Variants in AGAP2 observed in about 807,000 individuals in gnomAD.
The protein encoded by AGAP2 is arf-GAP with GTPase, ANK repeat and PH domain-containing protein 2.
AGAP2 carries 32 observed loss-of-function variants against 110.9 expected under a neutral mutation model. The ratio of observed to expected loss-of-function variants is 0.29; its 90% CI spans 0.22 to 0.39. AGAP2 has a LOEUF of 0.39. Ranked by LOEUF, AGAP2 falls within the 10% of genes least tolerant of loss-of-function variation. The pLI is 1.00. For missense variants in AGAP2, 1,285 were observed against 1,638.5 expected, an observed-to-expected ratio of 0.78 and a Z score of 3.72; for synonymous variants, 702 against 713.0, an observed-to-expected ratio of 0.98 and a Z score of 0.25.
intron 12 of AGAP2, 31 bp from the exon 13 acceptor site, chr12:57,729,798 G>T: frequency 4.4e-6 from 7 of 1,574,976 alleles, no homozygotes; most frequent in Non-Finnish European, 6.0e-6. Context: ...TGCCTCAGTA[G>T]CCCCCTCCAC....
chr12:57,734,476 C>A lies in AGAP2; in HGVS notation c.1316-72G>T, dbSNP rs1233907867. On this transcript the variant is annotated intron_variant, in intron 3 of 18. Coordinates refer to ENST00000547588, the MANE Select transcript of AGAP2 (RefSeq NM_001122772.3). ...ACCAAACCTCCCCATGCTCCCAGTG[C>A]TTTTGCTATTATGGCCTCATCCTTC... 4 of 1,592,368 alleles carry A rather than the reference C, an allele frequency of 2.5e-6. No individual in the cohort carries two copies. The Admixed American group carries it at 6.7e-5, about 27-fold the overall frequency.
intron 10 of AGAP2, 146 bp from the exon 11 acceptor site, chr12:57,731,099 A>G: frequency 1.1e-6 from 1 of 945,510 alleles, no homozygotes; most frequent in Non-Finnish European, 1.5e-6. Context: ...GGATGGGCCC[A>G]TCAGACTTGG....
In AGAP2 at chr12:57,731,681, G is replaced by A. The variant is rs756257059; in HGVS notation, c.1954-39C>T. On this transcript the variant is annotated intron_variant, in intron 8 of 18. Transcript: ENST00000547588. Reference sequence around the variant, plus strand: ...TGGAATCAGTTTGAGGATGGATAGAGGGATACACTGATGTGACGATAGGGA... The same window carrying A: ...TGGAATCAGTTTGAGGATGGATAGAAGGATACACTGATGTGACGATAGGGA... The A allele has an allele frequency of 9.3e-6, 15 of 1,612,556 alleles. No homozygotes were observed. The East Asian group carries it at 3.3e-4, about 36-fold the overall frequency.
At position 57,733,424 on chromosome 12, in the gene AGAP2, C is replaced by A. The variant is rs113067144; in HGVS notation, c.1550-445G>T. Among the ~76,000 whole-genome samples the A allele has an allele frequency of 4.9e-3, 751 of 152,214 alleles. 6 individuals are homozygous for A. Among genetic ancestry groups the A allele is most frequent in the African/African-American group, 0.017 (708 of 41,516 alleles). On this transcript the variant is annotated intron_variant, in intron 5 of 18. Coordinates refer to ENST00000547588, the MANE Select transcript of AGAP2 (RefSeq NM_001122772.3). ...CTGCAGCAAGAAACCAGGATGCAAG[C>A]AACAGGTGGAGATAGGCACCAGCAG...
rs751230073 is a variant in AGAP2 at position 57,737,240 on chromosome 12, C to G, written c.1007G>C (p.Arg336Pro). Residue 336 changes from arginine to proline, a missense_variant, in exon 1 of 19, where the codon CGA becomes CCA. Coordinates refer to ENST00000547588, the MANE Select transcript of AGAP2 (RefSeq NM_001122772.3). The surrounding 1 kb of genome is among the most constrained non-coding windows in gnomAD (Gnocchi z 5.9). Reference protein sequence around the residue: ...PGLKRGREGGRASTRDRKMLK... With the variant: ...PGLKRGREGGPASTRDRKMLK... ...CATCTTGCGGTCACGAGTGGATGCT[C>G]GGCCCCCCTCCCGGCCCCGTTTCAG... The G allele has an allele frequency of 6.2e-7, 1 of 1,611,516 alleles. No homozygotes were observed. The highest frequency in any genetic ancestry group is 8.5e-7 in the Non-Finnish European group (1 of 1,179,120).
In AGAP2 at chr12:57,727,819, C is replaced by T. The variant is rs374310337; in HGVS notation, c.2767-48G>A. 30 of 1,576,198 alleles carry T rather than the reference C, an allele frequency of 1.9e-5. No individual in the cohort carries two copies. In the African/African-American group the frequency reaches 3.4e-4, roughly 18 times the overall value. On this transcript the variant is annotated intron_variant, in intron 15 of 18. Transcript: ENST00000547588. ...CACTGACTCTGCCTCCAAGCCCCAC[C>T]TCCTTCTCAGACACCTCTGCTCTCC...
chr12:57,726,961 C>G lies in AGAP2; in HGVS notation c.3336+13G>C, dbSNP rs749616066. ...GCCTCAAAGACCCCCTTTCCTCCCC[C>G]CAGCTCACGTACCCACAGCAGCAGT... On this transcript the variant is annotated intron_variant, in intron 18 of 18. Transcript: ENST00000547588. This position sits in a 1 kb window ranked among gnomAD's most constrained non-coding sequence, Gnocchi z 5.7. 3.9e-6 allele frequency: 6 copies of G among 1,540,650 alleles called. No homozygotes were observed. The highest frequency in any genetic ancestry group is 2.7e-5 in the African/African-American group (2 of 73,058).
chr12:57,737,856 G>C lies in AGAP2; in HGVS notation c.391C>G (p.Pro131Ala), dbSNP rs1311964959. ...GAGGTGGGGGCGCCCCCAGGCTTGGGGTCGGGGCTCAGTCCCCCGGAGAGC... is the reference window on the plus strand; with the variant it reads ...GAGGTGGGGGCGCCCCCAGGCTTGGCGTCGGGGCTCAGTCCCCCGGAGAGC... ...PPLSGGLSPD[P>A]KPGGAPTSSR... is the part of the protein sequence containing the mutation. Residue 131 changes from proline to alanine, a missense_variant, in exon 1 of 19, where the codon CCC becomes GCC. Transcript: ENST00000547588. This position sits in a 1 kb window ranked among gnomAD's most constrained non-coding sequence, Gnocchi z 5.9. 6.9e-7 allele frequency: 1 copy of C among 1,455,478 alleles called. No homozygotes were observed. The highest frequency in any genetic ancestry group is 2.8e-5 in the Admixed American group (1 of 35,852). 90.2% of individuals were successfully genotyped at this position (1,455,478 alleles called of 1,614,324 possible). A position where few individuals can be genotyped will look rare whatever the true frequency, so the allele number is the denominator to read the frequency against.
At position 57,738,045 on chromosome 12, in the gene AGAP2, G is replaced by T; in HGVS notation, c.202C>A (p.Arg68Ser). 2.6e-6 allele frequency: 4 copies of T among 1,521,976 alleles called. No individual in the cohort carries two copies. Among genetic ancestry groups the T allele is most frequent in the Non-Finnish European group, 3.5e-6 (4 of 1,140,454 alleles). The allele number at this position is 1,521,976 out of a possible 1,614,324, so 94.3% of individuals were successfully genotyped here. ...AEEPGKKRHE[R>S]LFHRQDALWI... Reference sequence around the variant, plus strand: ...AGCGCATCCTGCCGGTGGAAGAGACGTTCGTGCCGCTTCTTGCCCGGCTCC... The same window carrying T: ...AGCGCATCCTGCCGGTGGAAGAGACTTTCGTGCCGCTTCTTGCCCGGCTCC... The change falls in exon 1 of 19, where the codon CGT (arginine) becomes AGT (serine). Residue 68 changes from arginine to serine, a missense_variant. This residue lies in a region of AGAP2 where 844 missense variants were observed against 941.2 expected (regional missense o/e 0.90). Transcript: ENST00000547588. This position sits in a 1 kb window ranked among gnomAD's most constrained non-coding sequence, Gnocchi z 6.7.
At chr12:57,741,229 C>T (rs1368331469), upstream of AGAP2, among the ~76,000 whole-genome samples, 1 of 152,122 alleles carries the variant, frequency 6.6e-6, no homozygotes, top group East Asian at 1.9e-4. Flanking sequence ...GTTGCCATGG[C>T]AGCATTTCCT....
At chr12:57,741,713 G>T (rs901578103), upstream of AGAP2, among the ~76,000 whole-genome samples, 2 of 152,172 alleles carry the variant, frequency 1.3e-5, no homozygotes, top group African/African-American at 4.8e-5. Context: ...GATCTCCTGG[G>T]AGAAGGATCA....
At chr12:57,724,939 C>T (rs572325742), downstream of AGAP2, 2 of 152,424 alleles carry the variant, frequency 1.3e-5, no homozygotes, top group African/African-American at 4.8e-5. Context: ...TCCCAACTCT[C>T]CCAGGACTGG....
intron 15 of AGAP2, 76 bp downstream of exon 15, chr12:57,727,861 C>T: frequency 1.2e-5 from 20 of 1,601,786 alleles, no homozygotes; most frequent in Non-Finnish European, 1.5e-5. Context: ...ACGACTTCGG[C>T]CGTGTCGTTG....
rs367680966 is a variant in AGAP2 at position 57,734,178 on chromosome 12, C to T, written c.1402-5G>A. The T allele has an allele frequency of 1.4e-4, 220 of 1,606,352 alleles. No homozygotes were observed. In the Middle Eastern group the frequency reaches 2.5e-3, roughly 18 times the overall value. The stretch of plus-strand genomic sequence containing the variant: ...AGCATCTGCCCAGCCTGAGAACTTG[C>T]GGGGAGTGAGGGAGCAAATGGAAAG... On this transcript the variant is annotated splice_region_variant and splice_polypyrimidine_tract_variant and intron_variant, in intron 4 of 18. Coordinates refer to ENST00000547588, the MANE Select transcript of AGAP2 (RefSeq NM_001122772.3).
Position 57,737,418 on chromosome 12 carries a change from C to T in AGAP2, c.829G>A (p.Asp277Asn). 6.2e-7 allele frequency: 1 copy of T among 1,613,800 alleles called. No homozygotes were observed. Residue 277 changes from aspartate (D) to asparagine (N), a missense_variant, in exon 1 of 19, where the codon GAC (aspartate) becomes AAC (asparagine). By Grantham distance (23) the Asp-to-Asn change is conservative. Transcript: ENST00000547588. This position sits in a 1 kb window ranked among gnomAD's most constrained non-coding sequence, Gnocchi z 5.9. The stretch of plus-strand genomic sequence containing the variant: ...GGTCCCGGATGCAAGTCACTGTTGT[C>T]CAAGGTCTTACTCTTGCCTTTCCGA... The part of the protein sequence containing the change: ...SPRKGKSKTL[D>N]NSDLHPGPPA...
At position 57,726,683 on chromosome 12, in the gene AGAP2, C is replaced by A; in HGVS notation, c.3448G>T (p.Gly1150Cys). 1 of 1,226,906 alleles carries A rather than the reference C, an allele frequency of 8.2e-7. No individual in the cohort carries two copies. The highest frequency in any genetic ancestry group is 3.3e-5 in the South Asian group (1 of 30,746). 76.0% of individuals were successfully genotyped at this position (1,226,906 alleles called of 1,614,324 possible). ...ADILLQHGCPGEGGSAATTPS... is the reference protein window; with the variant it reads ...ADILLQHGCPCEGGSAATTPS... ...GTGGTGGCCGCGCTGCCGCCCTCACCCGGGCAGCCGTGCTGGAGAAGGATG... is the reference window on the plus strand; with the variant it reads ...GTGGTGGCCGCGCTGCCGCCCTCACACGGGCAGCCGTGCTGGAGAAGGATG... The change falls in exon 19 of 19, where the codon GGT (glycine) becomes TGT (cysteine). Residue 1150 changes from glycine to cysteine, a missense_variant. By Grantham distance (159) the Gly-to-Cys change is radical (BLOSUM62 -3). Transcript: ENST00000547588. The surrounding 1 kb of genome is among the most constrained non-coding windows in gnomAD (Gnocchi z 5.7).
Position 57,738,424 on chromosome 12 carries a change from A to T in AGAP2, c.-178T>A. The T allele has an allele frequency of 1.8e-6, 1 of 553,180 alleles. No individual in the cohort carries two copies. Among genetic ancestry groups the T allele is most frequent in the Non-Finnish European group, 2.3e-6 (1 of 435,542 alleles). 34.3% of individuals were successfully genotyped at this position (553,180 alleles called of 1,614,324 possible). The stretch of plus-strand genomic sequence containing the variant: ...CCTCCGCTTGCGCCCCCCTCCCATC[A>T]CATGGGGCGCCCCCTCCCCATGCTC... On this transcript the variant is annotated 5_prime_UTR_variant, in exon 1 of 19. An upstream open reading frame in the 5' UTR loses its in-frame stop. Coordinates refer to ENST00000547588, the MANE Select transcript of AGAP2 (RefSeq NM_001122772.3). This position sits in a 1 kb window ranked among gnomAD's most constrained non-coding sequence, Gnocchi z 6.7.
In AGAP2 at chr12:57,730,874, C is replaced by T. The variant is rs1315757785; in HGVS notation, c.2225G>A (p.Arg742Lys). The change falls in exon 11 of 19, where the codon AGG becomes AAG. Residue 742 changes from arginine to lysine, a missense_variant. Coordinates refer to ENST00000547588, the MANE Select transcript of AGAP2 (RefSeq NM_001122772.3). ...TGAGGGGCCAAAGGCAGAGATGGCC[C>T]TCGGGGGCCGCTTGCCCGGGACTTT... Reference protein sequence around the residue: ...TVKVPGKRPPRAISAFGPSAS... With the variant: ...TVKVPGKRPPKAISAFGPSAS... 6.2e-7 allele frequency: 1 copy of T among 1,612,110 alleles called. No individual in the cohort carries two copies. The highest frequency in any genetic ancestry group is 8.5e-7 in the Non-Finnish European group (1 of 1,179,158).
upstream of AGAP2, among the ~76,000 whole-genome samples, chr12:57,738,919 C>T (rs1738497568): frequency 1.3e-5 from 2 of 151,968 alleles, no homozygotes; most frequent in Admixed American, 6.5e-5. The surrounding 1 kb of genome is among the most constrained non-coding windows in gnomAD (Gnocchi z 6.7). Flanking sequence ...CGCCTGGGCT[C>T]GGCTTGGTCC....
Sources: gnomAD v4.1 joint callset for allele counts (sites outside exome capture counted in the v4.1 genomes callset) on GRCh38, gnomAD v4.1.1 for gene constraint, gnomAD v4.1.1 regional missense constraint, Gnocchi (gnomAD v3.1) non-coding constraint, MANE v1.5 for transcripts, NCBI Gene and HGNC (gene_info 2026-07-23, HGNC 2026-07-21) for gene names.